The following CLCA1 variants were observed in gnomAD, a reference collection of about 807,000 sequenced individuals.
CLCA1 encodes the protein calcium-activated chloride channel regulator 1.
Under a neutral mutation model 85.6 loss-of-function variants are expected in CLCA1, and 59 were observed. That is an observed-to-expected ratio of 0.69 (90% CI 0.56 to 0.86). The LOEUF is 0.86. Among genes scored for constraint, CLCA1 ranks in the 40% least tolerant of loss-of-function variants. The pLI, the probability that CLCA1 is intolerant of heterozygous loss-of-function variation, is 0.00. For missense variants in CLCA1, 1,022 were observed against 1,101.4 expected (o/e 0.93, Z 1.02); for synonymous variants, 396 against 398.3 (o/e 0.99, Z 0.07).
chr1:86,499,040 A>G (rs1648382662), intron 13 of CLCA1, among the ~76,000 whole-genome samples: 1 of 152,212 alleles, frequency 6.6e-6, no homozygotes, highest in African/African-American at 2.4e-5. Context: ...GGTAAACCTC[A>G]CTTTGTTTCT....
chr1:86,473,123 G>A (rs1647547551), intron 1 of CLCA1, among the ~76,000 whole-genome samples: 1 of 152,064 alleles, frequency 6.6e-6, no homozygotes, highest in African/African-American at 2.4e-5. Flanking sequence ...TTTGTTAATG[G>A]GAAAACTGAG....
chr1:86,485,850 G>A (rs1344933819), intron 6 of CLCA1, among the ~76,000 whole-genome samples: 2 of 152,096 alleles, frequency 1.3e-5, no homozygotes, highest in East Asian at 3.9e-4. Context: ...TAGGTCCATA[G>A]TCTTATATAT....
chr1:86,493,827 C>T (rs746910572), intron 10 of CLCA1, among the ~76,000 whole-genome samples: 4 of 151,958 alleles, frequency 2.6e-5, no homozygotes, highest in Non-Finnish European at 4.4e-5. Flanking sequence ...AATGGAGAAC[C>T]TTTAAATTAC....
intron 2 of CLCA1, 22 bp from the exon 3 acceptor site, chr1:86,473,707 G>C (rs2180762): frequency 1.3e-6 from 2 of 1,556,340 alleles, no homozygotes; most frequent in South Asian, 2.4e-5. Context: ...TGTGATGATA[G>C]AAACTTTTTC....
At chr1:86,472,275 G>A (rs1015375372) in intron 1 of CLCA1, among the ~76,000 whole-genome samples, 2 of 152,130 alleles carry the variant, frequency 1.3e-5, no homozygotes, top group Non-Finnish European at 2.9e-5. Flanking sequence ...GCCAAGTCCA[G>A]TGATCAGTTC....
chr1:86,483,454 A>C (rs181720952), intron 5 of CLCA1, among the ~76,000 whole-genome samples: 4 of 152,294 alleles, frequency 2.6e-5, no homozygotes, highest in African/African-American at 9.6e-5. Context: ...AGGATTTGTA[A>C]TTGCATGATA....
At chr1:86,496,384 A>G (rs1372925648) in intron 12 of CLCA1, among the ~76,000 whole-genome samples, 1 of 152,194 alleles carries the variant, frequency 6.6e-6, no homozygotes, top group Non-Finnish European at 1.5e-5. Context: ...ATAGTAGATG[A>G]ATTTCATGTG....
chr1:86,498,720 C>T lies in CLCA1; in HGVS notation c.2262C>T (p.Gly754=). Reference sequence around the variant, plus strand: ...CCATACCTGATCTCTTCCCACCTGGCCAAATCACCGACCTGAAGGCGGAAA... The same window carrying T: ...CCATACCTGATCTCTTCCCACCTGGTCAAATCACCGACCTGAAGGCGGAAA... ...NAPIPDLFPP[G]QITDLKAEIH... Residue 754 remains glycine (G), a synonymous_variant, in exon 13 of 14, where the codon GGC becomes GGT. Coordinates refer to ENST00000394711, the MANE Select transcript of CLCA1 (RefSeq NM_001285.4). The T allele has an allele frequency of 1.9e-6, 3 of 1,614,082 alleles. No individual in the cohort carries two copies. Among genetic ancestry groups the T allele is most frequent in the Non-Finnish European group, 2.5e-6 (3 of 1,180,022 alleles).
Position 86,498,804 on chromosome 1 carries a change from T to C in CLCA1, c.2346T>C (p.His782=), listed in dbSNP as rs1648376655. The change falls in exon 13 of 14, where the codon CAT becomes CAC. Residue 782 remains histidine (H), a synonymous_variant. Transcript: ENST00000394711. ...TWTAPGDDYD[H]GTAHKYIIRI... ...CAGCTCCTGGGGATGATTATGACCA[T>C]GGAACAGGTAAGCTGAACCTGGTGT... The C allele has an allele frequency of 1.2e-6, 2 of 1,613,358 alleles. No homozygotes were observed. Among genetic ancestry groups the C allele is most frequent in the Non-Finnish European group, 1.7e-6 (2 of 1,179,572 alleles).
intron 7 of CLCA1, among the ~76,000 whole-genome samples, chr1:86,487,020 G>A (rs557495039): frequency 6.6e-6 from 1 of 152,328 alleles, no homozygotes; most frequent in South Asian, 2.1e-4. Context: ...ACACTCAATA[G>A]TGCTGTTCCA....
At chr1:86,480,440 T>C (rs1478841190) in intron 4 of CLCA1, among the ~76,000 whole-genome samples, 1 of 151,806 alleles carries the variant, frequency 6.6e-6, no homozygotes, top group Non-Finnish European at 1.5e-5. Flanking sequence ...CTGGGCAACA[T>C]GGTGAAACCC....
At chr1:86,488,342 C>G (rs909139) in intron 7 of CLCA1, among the ~76,000 whole-genome samples, 1 of 151,988 alleles carries the variant, frequency 6.6e-6, no homozygotes, top group Admixed American at 6.6e-5. Flanking sequence ...TCAACATTGG[C>G]AGAAGGAGTA....
chr1:86,494,500 C>A lies in CLCA1; in HGVS notation c.1942+52C>A, dbSNP rs1648224718. Reference sequence around the variant, plus strand: ...TTTATTTCTTTTTCCAAGAAGCAACCAGGGAATGCCAAGAGGGCATGGTCT... The same window carrying A: ...TTTATTTCTTTTTCCAAGAAGCAACAAGGGAATGCCAAGAGGGCATGGTCT... On this transcript the variant is annotated intron_variant, in intron 11 of 13. Coordinates refer to ENST00000394711, the MANE Select transcript of CLCA1 (RefSeq NM_001285.4). 3.8e-6 allele frequency: 6 copies of A among 1,591,756 alleles called. No homozygotes were observed. In the East Asian group the frequency reaches 1.1e-4, roughly 30 times the overall value.
intron 1 of CLCA1, among the ~76,000 whole-genome samples, chr1:86,471,039 G>C (rs1002734647): frequency 5.3e-5 from 8 of 152,186 alleles, no homozygotes; most frequent in Non-Finnish European, 1.2e-4. Flanking sequence ...GAGAGTCAGA[G>C]AGAAACTCTC....
chr1:86,472,654 T>C (rs574925593), intron 1 of CLCA1, among the ~76,000 whole-genome samples: 4 of 152,330 alleles, frequency 2.6e-5, no homozygotes, highest in East Asian at 3.8e-4. Context: ...AGCTATTTCA[T>C]TTTAGAGAAG....
intron 2 of CLCA1, 46 bp downstream of exon 2, chr1:86,473,603 C>G (rs370793737): frequency 6.6e-7 from 1 of 1,512,844 alleles, no homozygotes; most frequent in Non-Finnish European, 8.9e-7. Context: ...TCTCCTGTAA[C>G]CAAGATTTTT....
intron 5 of CLCA1, among the ~76,000 whole-genome samples, chr1:86,484,762 A>G (rs558745509): frequency 1.3e-5 from 2 of 152,290 alleles, no homozygotes; most frequent in South Asian, 2.1e-4. Context: ...AAAAGGTAGG[A>G]AAACTTCCAG....
intron 4 of CLCA1, among the ~76,000 whole-genome samples, chr1:86,481,434 C>A (rs1166914197): frequency 2.6e-5 from 4 of 152,002 alleles, no homozygotes; most frequent in Non-Finnish European, 5.9e-5. Context: ...TCACCACACG[C>A]AGCCACATTT....
chr1:86,499,967 C>G lies in CLCA1; in HGVS notation c.2667C>G (p.Ile889Met). 1.2e-6 allele frequency: 2 copies of G among 1,611,894 alleles called. No individual in the cohort carries two copies. Among genetic ancestry groups the G allele is most frequent in the Non-Finnish European group, 1.7e-6 (2 of 1,178,008 alleles). ...ETSAPCPNIH[I>M]NSTIPGIHIL... ...CTGCTCCTTGTCCTAATATTCATAT[C>G]AACAGCACCATTCCTGGCATTCACA... The change falls in exon 14 of 14, where the codon ATC (isoleucine) becomes ATG (methionine). Residue 889 changes from isoleucine (I) to methionine (M), a missense_variant. Transcript: ENST00000394711.
Sources: allele counts gnomAD v4.1 joint callset (sites outside exome capture counted in the v4.1 genomes callset), GRCh38; gene constraint gnomAD v4.1.1; transcripts MANE v1.5; gene names NCBI Gene and HGNC (gene_info 2026-07-23, HGNC 2026-07-21).